Variants in HTR7 observed in about 807,000 individuals in gnomAD.
HTR7 encodes 5-HT-7.
A neutral mutation model predicts 34.0 loss-of-function variants in HTR7; 16 were observed. The observed-to-expected ratio is 0.47, with a 90% CI of 0.32 to 0.71. HTR7 has a LOEUF of 0.71. Among genes scored for constraint, HTR7 ranks in the 30% least tolerant of loss-of-function variants. The probability of loss-of-function intolerance (pLI) is 0.04; values close to 1 mark genes in which losing one functional copy is unlikely to be tolerated. For missense variants in HTR7, 504 were observed against 625.5 expected, an observed-to-expected ratio of 0.81 and a Z score of 2.07; for synonymous variants, 265 against 260.2, an observed-to-expected ratio of 1.02 and a Z score of -0.18.
At chr10:90,846,451 T>C (rs1196486507) in intron 1 of HTR7, among the ~76,000 whole-genome samples, 1 of 152,196 alleles carries the variant, frequency 6.6e-6, no homozygotes, top group East Asian at 1.9e-4. Context: ...ATGGTATTAG[T>C]TCATCAATTA....
At chr10:90,796,626 C>T (rs1845543919) in intron 1 of HTR7, among the ~76,000 whole-genome samples, 1 of 152,110 alleles carries the variant, frequency 6.6e-6, no homozygotes, top group South Asian at 2.1e-4. Flanking sequence ...GTGGAAGGAT[C>T]ACTTGAGCCT....
intron 1 of HTR7, among the ~76,000 whole-genome samples, chr10:90,787,490 T>A (rs1845397910): frequency 6.6e-6 from 1 of 151,738 alleles, no homozygotes; most frequent in Non-Finnish European, 1.5e-5. Flanking sequence ...AGACTCCATC[T>A]CAAAAAAAAT....
intron 2 of HTR7, among the ~76,000 whole-genome samples, chr10:90,745,130 T>C (rs115706666): frequency 0.012 from 1,830 of 152,322 alleles, 34 homozygotes; most frequent in African/African-American, 0.037. Context: ...AAGGTTGCCA[T>C]GTGCATATGT....
intron 1 of HTR7, among the ~76,000 whole-genome samples, chr10:90,759,350 A>G (rs541754595): frequency 6.6e-6 from 1 of 151,906 alleles, no homozygotes; most frequent in South Asian, 2.1e-4. Flanking sequence ...ATGAATCAAA[A>G]TGAAGAATTT....
intron 1 of HTR7, among the ~76,000 whole-genome samples, chr10:90,807,864 C>A (rs1375311344): frequency 6.6e-6 from 1 of 152,234 alleles, no homozygotes; most frequent in East Asian, 1.9e-4. Flanking sequence ...GCCCAAGGAA[C>A]ATCTCACCAA....
chr10:90,807,423 A>G (rs1037601733), intron 1 of HTR7, among the ~76,000 whole-genome samples: 1 of 152,166 alleles, frequency 6.6e-6, no homozygotes, highest in African/African-American at 2.4e-5. Flanking sequence ...ATGACATTCC[A>G]CCACAAAAGA....
intron 1 of HTR7, among the ~76,000 whole-genome samples, chr10:90,818,962 C>T (rs1845938013): frequency 6.6e-6 from 1 of 152,180 alleles, no homozygotes; most frequent in Non-Finnish European, 1.5e-5. Flanking sequence ...TTAAGACATG[C>T]CTACTTCACC....
intron 1 of HTR7, among the ~76,000 whole-genome samples, chr10:90,853,570 G>T (rs1348239552): frequency 6.6e-6 from 1 of 151,474 alleles, no homozygotes; most frequent in Admixed American, 6.6e-5. Flanking sequence ...CTCCCAAAGT[G>T]CTGGGATTAC....
intron 1 of HTR7, among the ~76,000 whole-genome samples, chr10:90,760,805 C>T (rs1489374021): frequency 3.3e-5 from 5 of 152,068 alleles, no homozygotes; most frequent in Admixed American, 1.3e-4. Flanking sequence ...TGCTTGAACC[C>T]GGGAAGTGTA....
At chr10:90,813,348 C>A (rs931128715) in intron 1 of HTR7, among the ~76,000 whole-genome samples, 1 of 151,990 alleles carries the variant, frequency 6.6e-6, no homozygotes. Flanking sequence ...ATGGTGAAAC[C>A]CCATCTCTAC....
chr10:90,855,785 G>C (rs181924022), intron 1 of HTR7, among the ~76,000 whole-genome samples: 1 of 152,194 alleles, frequency 6.6e-6, no homozygotes, highest in Non-Finnish European at 1.5e-5. Flanking sequence ...CTTGTTTGCT[G>C]TCAGCAGCTT....
At chr10:90,747,708 G>C (rs1354251563) in intron 2 of HTR7, among the ~76,000 whole-genome samples, 4 of 152,108 alleles carry the variant, frequency 2.6e-5, no homozygotes, top group African/African-American at 9.7e-5. Flanking sequence ...GACCAGGAAG[G>C]TCCCTCTCTG....
chr10:90,825,880 G>A (rs1320568301), intron 1 of HTR7, among the ~76,000 whole-genome samples: 1 of 152,124 alleles, frequency 6.6e-6, no homozygotes, highest in Non-Finnish European at 1.5e-5. Flanking sequence ...CATGAAAGGG[G>A]CAAGTTTAAG....
intron 1 of HTR7, among the ~76,000 whole-genome samples, chr10:90,764,940 T>G (rs927847059): frequency 6.6e-6 from 1 of 152,304 alleles, no homozygotes; most frequent in East Asian, 1.9e-4. Context: ...ATTAATATTA[T>G]GCTGAGGATT....
chr10:90,805,338 G>GA (rs1019009928), intron 1 of HTR7, among the ~76,000 whole-genome samples: 2 of 152,166 alleles, frequency 1.3e-5, no homozygotes, highest in African/African-American at 4.8e-5. Flanking sequence ...AAGCTAAGTT[G>GA]AAAAAGAACA....
chr10:90,778,476 C>T (rs187233097), intron 1 of HTR7, among the ~76,000 whole-genome samples: 9 of 152,136 alleles, frequency 5.9e-5, no homozygotes, highest in East Asian at 1.9e-4. Flanking sequence ...AAGGCCTTCA[C>T]CAGATGTGAC....
At chr10:90,745,488 A>G (rs1844619096) in intron 2 of HTR7, among the ~76,000 whole-genome samples, 1 of 152,204 alleles carries the variant, frequency 6.6e-6, no homozygotes, top group African/African-American at 2.4e-5. Flanking sequence ...AGACACAAAC[A>G]TTCAGGCCAT....
At chr10:90,810,376 A>G (rs1359315420) in intron 1 of HTR7, among the ~76,000 whole-genome samples, 2 of 151,942 alleles carry the variant, frequency 1.3e-5, no homozygotes, top group Non-Finnish European at 2.9e-5. Flanking sequence ...TTACCATCTC[A>G]TTAAAATCTA....
chr10:90,763,137 T>A (rs1470302462), intron 1 of HTR7, among the ~76,000 whole-genome samples: 1 of 152,208 alleles, frequency 6.6e-6, no homozygotes, highest in African/African-American at 2.4e-5. Context: ...TGATTCCATA[T>A]GAATTTTAGG....
Sources: allele counts gnomAD v4.1 joint callset (sites outside exome capture counted in the v4.1 genomes callset), GRCh38; gene constraint gnomAD v4.1.1; transcripts MANE v1.5; gene names NCBI Gene and HGNC (gene_info 2026-07-23, HGNC 2026-07-21).